Variants in CYRIB observed in about 807,000 individuals in gnomAD.
CYRIB encodes the protein CYFIP related Rac1 interactor B, also known as CYFIP-related Rac1 interactor B.
In CYRIB, 8 loss-of-function variants were observed where a neutral mutation model predicts 44.2. The ratio of observed to expected loss-of-function variants is 0.18; its 90% CI spans 0.11 to 0.33. The LOEUF (loss-of-function observed/expected upper bound fraction) is 0.33. Ranked by LOEUF, CYRIB falls within the 10% of genes least tolerant of loss-of-function variation. CYRIB has a pLI of 1.00. For missense variants in CYRIB, 185 were observed against 382.8 expected (o/e 0.48, Z 4.31); for synonymous variants, 131 against 127.2 (o/e 1.03, Z -0.20).
At chr8:129,899,800 G>A (rs1342413968) in intron 2 of CYRIB, among the ~76,000 whole-genome samples, 1 of 152,210 alleles carries the variant, frequency 6.6e-6, no homozygotes, top group Non-Finnish European at 1.5e-5. Flanking sequence ...GACACCAGTT[G>A]GAGGCTGAAC....
intron 1 of CYRIB, among the ~76,000 whole-genome samples, chr8:129,998,377 C>G (rs1169121790): frequency 6.6e-6 from 1 of 152,008 alleles, no homozygotes; most frequent in African/African-American, 2.4e-5. Flanking sequence ...GTTGAGGAAC[C>G]CTGAGGATTC....
chr8:129,890,478 T>G (rs937852469), intron 2 of CYRIB: 2 of 152,186 alleles, frequency 1.3e-5, no homozygotes, highest in African/African-American at 4.8e-5. Flanking sequence ...ATATACACTG[T>G]TTTTTAGACA....
At chr8:129,865,032 T>C (rs1227887172) in intron 4 of CYRIB, 3 of 170,516 alleles carry the variant, frequency 1.8e-5, no homozygotes, top group Non-Finnish European at 2.5e-5. Context: ...TTGGAGAAGG[T>C]AGAATGCTCT....
At chr8:129,854,380 C>T (rs780635311) in intron 6 of CYRIB, 37 bp from the exon 9 acceptor site, 13 of 1,443,062 alleles carry the variant, frequency 9.0e-6, no homozygotes, top group Non-Finnish European at 1.2e-5. Flanking sequence ...ATGTTATGTA[C>T]TAAATGCTAA....
chr8:129,878,300 TA>T (rs1328960682), intron 3 of CYRIB, among the ~76,000 whole-genome samples: 1 of 152,164 alleles, frequency 6.6e-6, no homozygotes, highest in African/African-American at 2.4e-5. Context: ...AAAATGGAGA[TA>T]GCTATAAATT....
chr8:129,906,002 A>G (rs1331301304), intron 1 of CYRIB, among the ~76,000 whole-genome samples: 4 of 152,200 alleles, frequency 2.6e-5, no homozygotes, highest in East Asian at 1.9e-4. Flanking sequence ...GGAAAAATCA[A>G]TATCGTGAAA....
At chr8:129,879,657 G>C in intron 2 of CYRIB, 186 bp from the exon 5 acceptor site, 1 of 537,668 alleles carries the variant, frequency 1.9e-6, no homozygotes, top group Non-Finnish European at 3.2e-6. Context: ...GTAGGACCTA[G>C]AGGTGAAATG....
At chr8:130,007,034 A>G (rs2097118045) in intron 1 of CYRIB, among the ~76,000 whole-genome samples, 1 of 152,162 alleles carries the variant, frequency 6.6e-6, no homozygotes, top group African/African-American at 2.4e-5. Flanking sequence ...ATCAAGAGGT[A>G]GATTATTAGT....
chr8:130,004,784 T>TTTA, intron 1 of CYRIB, among the ~76,000 whole-genome samples: 1 of 148,794 alleles, frequency 6.7e-6, no homozygotes, highest in Non-Finnish European at 1.5e-5. Flanking sequence ...TTTTTTTTTT[T>TTTA]GAGATGGAGT....
intron 1 of CYRIB, among the ~76,000 whole-genome samples, chr8:129,907,393 C>T (rs560302211): frequency 6.6e-6 from 1 of 151,226 alleles, no homozygotes; most frequent in Non-Finnish European, 1.5e-5. Context: ...GGGAACTGAA[C>T]AATGACAACA....
intron 2 of CYRIB, among the ~76,000 whole-genome samples, chr8:129,958,559 C>T (rs1041252044): frequency 3.3e-5 from 5 of 152,124 alleles, no homozygotes; most frequent in Non-Finnish European, 5.9e-5. Context: ...ATAATAGCTA[C>T]TCTATTACTT....
At chr8:129,939,248 G>A (rs1034343149) in intron 1 of CYRIB, among the ~76,000 whole-genome samples, 4 of 151,768 alleles carry the variant, frequency 2.6e-5, no homozygotes, top group Non-Finnish European at 5.9e-5. Context: ...ATTGGGGAGG[G>A]GGGACAACGC....
intron 2 of CYRIB, among the ~76,000 whole-genome samples, chr8:129,880,142 T>A (rs1042855218): frequency 6.6e-6 from 1 of 152,234 alleles, no homozygotes; most frequent in Non-Finnish European, 1.5e-5. Context: ...ACTTGCTTCA[T>A]GGACTAATGA....
intron 1 of CYRIB, among the ~76,000 whole-genome samples, chr8:129,906,782 A>G (rs902871331): frequency 2.0e-5 from 3 of 152,248 alleles, no homozygotes; most frequent in Non-Finnish European, 4.4e-5. Flanking sequence ...CCCATCAACA[A>G]GTGGGCGAAG....
intron 11 of CYRIB, chr8:129,844,138 A>T (rs775084158): frequency 1.3e-5 from 2 of 152,224 alleles, no homozygotes; most frequent in Non-Finnish European, 2.9e-5. Flanking sequence ...TATACAACTA[A>T]ATAGTAGAAA....
chr8:129,849,382 T>G lies in CYRIB; in HGVS notation c.714-13A>C. 6.3e-7 allele frequency: 1 copy of G among 1,598,040 alleles called. No homozygotes were observed. The highest frequency in any genetic ancestry group is 8.5e-7 in the Non-Finnish European group (1 of 1,175,796). On this transcript the variant is annotated splice_polypyrimidine_tract_variant and intron_variant, in intron 9 of 11. Coordinates refer to ENST00000519824, the Ensembl canonical transcript of CYRIB. ...GCTTCTGTATTCCCTGAAGAGTAGA[T>G]AAGATATGCATGGAAGAAGTGCATT...
Position 129,988,538 on chromosome 8 carries a change from C to T in CYRIB, c.-295-17543G>A, listed in dbSNP as rs527743239. Among the ~76,000 whole-genome samples the T allele has an allele frequency of 2.6e-5, 4 of 152,280 alleles. No homozygotes were observed. In the East Asian group the frequency reaches 7.7e-4, roughly 29 times the overall value. ...GAGTCTTAGCAAGCCCACCTTATAC[C>T]ATAAGCTCTCTGAGGATGAGGGTAA... is the stretch of plus-strand genomic sequence containing the variant. On this transcript the variant is annotated intron_variant, in intron 1 of 14. Coordinates refer to the CYRIB transcript ENST00000401979.
At chr8:129,849,481 T>A in intron 9 of CYRIB, 112 bp from the exon 12 acceptor site, 1 of 1,047,956 alleles carries the variant, frequency 9.5e-7, no homozygotes, top group South Asian at 1.8e-5. Flanking sequence ...TTTCTATCCA[T>A]TAGTTGAATG....
At chr8:129,856,947 T>G (rs910563629) in intron 5 of CYRIB, among the ~76,000 whole-genome samples, 1 of 152,242 alleles carries the variant, frequency 6.6e-6, no homozygotes, top group Non-Finnish European at 1.5e-5. Flanking sequence ...TTACTACCAA[T>G]AGTACCAATT....
Sources: gnomAD v4.1 joint callset for allele counts (sites outside exome capture counted in the v4.1 genomes callset) on GRCh38, gnomAD v4.1.1 for gene constraint, MANE v1.5 for transcripts, NCBI Gene and HGNC (gene_info 2026-07-23, HGNC 2026-07-21) for gene names.